Variants in NTRK3 observed in about 807,000 individuals in gnomAD.
NTRK3 encodes the protein neurotrophic receptor tyrosine kinase 3.
Under a neutral mutation model 91.7 loss-of-function variants are expected in NTRK3, and 24 were observed. The observed-to-expected ratio is 0.26, with a 90% CI of 0.19 to 0.37. The LOEUF is 0.37. Among genes scored for constraint, NTRK3 ranks in the 10% least tolerant of loss-of-function variants. The pLI, the probability that NTRK3 is intolerant of heterozygous loss-of-function variation, is 1.00. For synonymous variants in NTRK3, 483 were observed against 404.0 expected, an observed-to-expected ratio of 1.20 and a Z score of -2.34; for missense variants, 880 against 1,068.9, an observed-to-expected ratio of 0.82 and a Z score of 2.46.
At chr15:87,880,151 C>T in intron 18 of NTRK3, 119 bp downstream of exon 19, 1 of 1,268,656 alleles carries the variant, frequency 7.9e-7, no homozygotes, top group Non-Finnish European at 1.1e-6. Flanking sequence ...CTAATGCCTG[C>T]ATTCACTCTG....
intron 16 of NTRK3, among the ~76,000 whole-genome samples, chr15:87,931,838 C>T (rs1368909345): frequency 6.6e-6 from 1 of 152,194 alleles, no homozygotes; most frequent in African/African-American, 2.4e-5. Context: ...CAAGAGGATG[C>T]TTAGCAGTTT....
chr15:87,866,528 T>C (rs2064683800), exon 19 of NTRK3: 2 of 171,698 alleles, frequency 1.2e-5, no homozygotes, highest in African/African-American at 2.4e-5. Context: ...TTAATATGTA[T>C]ATATATTAAA....
exon 19 of NTRK3, chr15:87,866,382 G>C (rs889078686): frequency 1.7e-5 from 3 of 175,742 alleles, no homozygotes; most frequent in Non-Finnish European, 3.6e-5. Flanking sequence ...GAAACAATAT[G>C]GAACTATCCC....
Position 88,048,201 on chromosome 15 carries a change from C to A in NTRK3, c.1397-15156G>T, listed in dbSNP as rs535088247. ...TCAATCAATCTTAGGCCATCTTGAT[C>A]TACTTGGAAAGCTTAACTGCCATGA... is the stretch of plus-strand genomic sequence containing the variant. On this transcript the variant is annotated intron_variant, in intron 13 of 18. Coordinates refer to ENST00000394480, the Ensembl canonical transcript of NTRK3. 9.2e-5 allele frequency among the ~76,000 whole-genome samples: 14 copies of A among 152,304 alleles called. No individual in the cohort carries two copies. The East Asian group carries it at 2.7e-3, about 29-fold the overall frequency.
intron 14 of NTRK3, among the ~76,000 whole-genome samples, chr15:87,954,865 G>A (rs1038476532): frequency 8.5e-5 from 13 of 152,184 alleles, no homozygotes; most frequent in African/African-American, 3.1e-4. Context: ...GACAGCCACA[G>A]CGTCTGTCTT....
intron 15 of NTRK3, among the ~76,000 whole-genome samples, chr15:87,933,990 T>C (rs1006111968): frequency 6.6e-6 from 1 of 152,202 alleles, no homozygotes; most frequent in Non-Finnish European, 1.5e-5. Flanking sequence ...GGCCACTTCC[T>C]GTAGGGCCCA....
At chr15:88,211,201 G>A (rs147518790) in intron 3 of NTRK3, among the ~76,000 whole-genome samples, 1 of 152,048 alleles carries the variant, frequency 6.6e-6, no homozygotes, top group African/African-American at 2.4e-5. Flanking sequence ...CCTTTCCCCA[G>A]TCCCTGGCAA....
chr15:88,142,431 T>C (rs559684778), intron 6 of NTRK3, among the ~76,000 whole-genome samples: 4 of 152,390 alleles, frequency 2.6e-5, no homozygotes, highest in Admixed American at 6.5e-5. Flanking sequence ...CATCTGAGTT[T>C]GTAAGGACAG....
intron 14 of NTRK3, among the ~76,000 whole-genome samples, chr15:87,941,154 A>C (rs2069803802): frequency 6.6e-6 from 1 of 152,078 alleles, no homozygotes; most frequent in African/African-American, 2.4e-5. Flanking sequence ...GGGTCTGAGA[A>C]TCTACATTTC....
exon 19 of NTRK3, chr15:87,870,181 T>TGTAC (rs1481963025): frequency 1.2e-5 from 2 of 165,510 alleles, no homozygotes; most frequent in East Asian, 2.1e-4. Context: ...GAAACTGTGG[T>TGTAC]ACACACACAC....
At chr15:88,070,376 G>A (rs1264421900) in intron 13 of NTRK3, among the ~76,000 whole-genome samples, 1 of 151,916 alleles carries the variant, frequency 6.6e-6, no homozygotes, top group Non-Finnish European at 1.5e-5. Flanking sequence ...GCAAGCAGGG[G>A]CGGGCTACCC....
intron 13 of NTRK3, among the ~76,000 whole-genome samples, chr15:88,108,420 T>A (rs999849055): frequency 1.3e-5 from 2 of 152,136 alleles, no homozygotes; most frequent in East Asian, 3.9e-4. Flanking sequence ...AACCTGGTGA[T>A]CCTAAAAAGA....
exon 19 of NTRK3, chr15:87,871,830 T>C (rs180859712): frequency 9.7e-4 from 214 of 221,306 alleles, no homozygotes; most frequent in Non-Finnish European, 1.6e-3. Context: ...CGTACATATA[T>C]GTATACTTTC....
chr15:88,112,619 C>G (rs181501881), intron 13 of NTRK3, among the ~76,000 whole-genome samples: 1 of 152,216 alleles, frequency 6.6e-6, no homozygotes, highest in Non-Finnish European at 1.5e-5. Context: ...GAATGTTTAA[C>G]ACTGGCCATG....
At chr15:88,036,256 A>G (rs1457359117) in intron 13 of NTRK3, among the ~76,000 whole-genome samples, 1 of 152,172 alleles carries the variant, frequency 6.6e-6, no homozygotes, top group Non-Finnish European at 1.5e-5. Context: ...CCCTAGAGAT[A>G]AAGAGAAGAT....
At chr15:88,009,121 G>A (rs890230663) in intron 14 of NTRK3, among the ~76,000 whole-genome samples, 1 of 152,170 alleles carries the variant, frequency 6.6e-6, no homozygotes, top group Non-Finnish European at 1.5e-5. Context: ...AGCTAAAGAG[G>A]CAATGGAGAA....
chr15:88,215,598 A>C (rs2049699964), intron 3 of NTRK3, among the ~76,000 whole-genome samples: 1 of 152,164 alleles, frequency 6.6e-6, no homozygotes, highest in African/African-American at 2.4e-5. Context: ...AGGCCCAAAG[A>C]ATTCTAGAAT....
chr15:87,901,916 T>C (rs937534584), intron 17 of NTRK3, among the ~76,000 whole-genome samples: 2 of 152,128 alleles, frequency 1.3e-5, no homozygotes, highest in Non-Finnish European at 2.9e-5. Flanking sequence ...ACCACCAAGT[T>C]AAAGTTCTTA....
Position 88,153,680 on chromosome 15 carries a change from G to A in NTRK3, c.396-6277C>T, listed in dbSNP as rs141741410. Among the ~76,000 whole-genome samples the A allele has an allele frequency of 1.8e-3, 278 of 152,118 alleles. 1 individual carries two copies. The Middle Eastern group carries it at 0.031, about 17-fold the overall frequency. Reference sequence around the variant, plus strand: ...AGGAATTTATTTCTTAGTTCTAGAGGTTAAGAGGTCCAAGATCAATGGGGC... The same window carrying A: ...AGGAATTTATTTCTTAGTTCTAGAGATTAAGAGGTCCAAGATCAATGGGGC... On this transcript the variant is annotated intron_variant, in intron 5 of 18. Coordinates refer to ENST00000394480, the Ensembl canonical transcript of NTRK3.
Sources: gnomAD v4.1 joint callset for allele counts (sites outside exome capture counted in the v4.1 genomes callset) on GRCh38, gnomAD v4.1.1 for gene constraint, MANE v1.5 for transcripts, NCBI Gene and HGNC (gene_info 2026-07-23, HGNC 2026-07-21) for gene names.